Variants in DTNB observed in about 807,000 individuals in gnomAD.
The protein encoded by DTNB is dystrobrevin beta, also known as DTN-B.
DTNB carries 63 observed loss-of-function variants against 90.7 expected under a neutral mutation model. The observed-to-expected ratio is 0.69, with a 90% CI of 0.57 to 0.86. DTNB has a LOEUF of 0.86. Among genes scored for constraint, DTNB ranks in the 40% least tolerant of loss-of-function variants. The pLI is 0.00. For synonymous variants in DTNB, 277 were observed against 286.7 expected (o/e 0.97, Z 0.34); for missense variants, 744 against 807.1 (o/e 0.92, Z 0.95).
chr2:25,641,946 G>A lies in DTNB; in HGVS notation c.68-2852C>T, dbSNP rs143135843. ...CGCCATTCTCCTGCCTCAGCCTCCC[G>A]AGTAGCTGGGACAACAGGCACCCAC... is the stretch of plus-strand genomic sequence containing the variant. On this transcript the variant is annotated intron_variant, in intron 2 of 20. Coordinates refer to ENST00000406818, the MANE Select transcript of DTNB (RefSeq NM_021907.5). Among the ~76,000 whole-genome samples the A allele has an allele frequency of 8.4e-3, 1,283 of 152,088 alleles. 14 individuals carry two copies. Among genetic ancestry groups the A allele is most frequent in the African/African-American group, 0.024 (1,010 of 41,478 alleles).
intron 5 of DTNB, among the ~76,000 whole-genome samples, chr2:25,602,234 C>T (rs17803553): frequency 0.27 from 40,372 of 152,102 alleles, 6,211 homozygotes; most frequent in Non-Finnish European, 0.36. Context: ...GGTGTTGACT[C>T]AGCCAGGAAC....
intron 8 of DTNB, among the ~76,000 whole-genome samples, chr2:25,554,120 C>G (rs2151132597): frequency 6.6e-6 from 1 of 152,216 alleles, no homozygotes; most frequent in East Asian, 1.9e-4. Flanking sequence ...ACTTTTAAAA[C>G]TGAAAAAGCT....
intron 19 of DTNB, among the ~76,000 whole-genome samples, chr2:25,380,125 A>G (rs1046711093): frequency 1.2e-4 from 18 of 152,190 alleles, no homozygotes; most frequent in African/African-American, 4.1e-4. Context: ...AGATTCTTCA[A>G]AAGTTCCATT....
At chr2:25,410,004 G>C (rs1312184872) in intron 16 of DTNB, among the ~76,000 whole-genome samples, 1 of 152,142 alleles carries the variant, frequency 6.6e-6, no homozygotes, top group African/African-American at 2.4e-5. Flanking sequence ...ATTTTCACTT[G>C]TTCAGTAAAT....
intron 16 of DTNB, among the ~76,000 whole-genome samples, chr2:25,411,048 A>T (rs2046463529): frequency 6.6e-6 from 1 of 151,544 alleles, no homozygotes; most frequent in Non-Finnish European, 1.5e-5. Flanking sequence ...GCTCAAATAG[A>T]CTTATACTTA....
chr2:25,561,050 G>C (rs943343415), intron 8 of DTNB, among the ~76,000 whole-genome samples: 5 of 152,096 alleles, frequency 3.3e-5, no homozygotes, highest in Non-Finnish European at 5.9e-5. Flanking sequence ...TCAGTTTCAA[G>C]CACCTACTCT....
intron 15 of DTNB, among the ~76,000 whole-genome samples, chr2:25,420,161 A>ACTAGC (rs2049050147): frequency 6.6e-6 from 1 of 151,526 alleles, no homozygotes; most frequent in East Asian, 1.9e-4. Context: ...TCACTTCCCA[A>ACTAGC]CTAGCAATTC....
intron 6 of DTNB, among the ~76,000 whole-genome samples, chr2:25,587,362 G>A (rs932529827): frequency 2.0e-5 from 3 of 152,162 alleles, no homozygotes; most frequent in Non-Finnish European, 4.4e-5. Flanking sequence ...ATAAAGTGAC[G>A]AGAAGACCAG....
intron 8 of DTNB, among the ~76,000 whole-genome samples, chr2:25,555,067 T>C (rs976271991): frequency 2.8e-4 from 42 of 151,398 alleles, no homozygotes; most frequent in Admixed American, 2.8e-3. Context: ...GAGGCCGAGG[T>C]GGGCGGATCA....
At chr2:25,670,997 T>C (rs1176142538) in intron 1 of DTNB, among the ~76,000 whole-genome samples, 4 of 152,222 alleles carry the variant, frequency 2.6e-5, no homozygotes, top group Admixed American at 1.3e-4. Flanking sequence ...AATGATCAGA[T>C]TGACTGTCAT....
intron 19 of DTNB, 42 bp downstream of exon 19, chr2:25,383,794 G>A: frequency 6.2e-7 from 1 of 1,613,932 alleles, no homozygotes; most frequent in Non-Finnish European, 8.5e-7. Context: ...CATGAGCTCG[G>A]GCTCCCCATT....
chr2:25,476,098 C>T (rs957521687), intron 10 of DTNB, among the ~76,000 whole-genome samples: 9 of 146,122 alleles, frequency 6.2e-5, no homozygotes, highest in East Asian at 6.0e-4. Flanking sequence ...GAAGTAGTTT[C>T]GCTCTTGTCA....
chr2:25,416,659 C>CTA (rs963495395), intron 16 of DTNB, among the ~76,000 whole-genome samples: 1 of 152,054 alleles, frequency 6.6e-6, no homozygotes, highest in Non-Finnish European at 1.5e-5. Flanking sequence ...GAGCAAGACT[C>CTA]TGTCTCAGAA....
At chr2:25,584,573 T>C (rs1303497340) in intron 6 of DTNB, among the ~76,000 whole-genome samples, 7 of 152,146 alleles carry the variant, frequency 4.6e-5, no homozygotes, top group Admixed American at 6.5e-5. Flanking sequence ...TTTTTTTTTT[T>C]TGAGACAGAG....
At chr2:25,442,419 T>C (rs1002875590) in intron 12 of DTNB, among the ~76,000 whole-genome samples, 1 of 152,108 alleles carries the variant, frequency 6.6e-6, no homozygotes. Context: ...AGTGCTCAGG[T>C]TGTATCATCC....
chr2:25,405,725 A>G (rs573746380), intron 16 of DTNB, among the ~76,000 whole-genome samples: 6 of 152,112 alleles, frequency 3.9e-5, no homozygotes, highest in African/African-American at 1.4e-4. Flanking sequence ...AGCCTGAAAT[A>G]TTTACTGTCT....
rs113574241 is a variant in DTNB at position 25,572,902 on chromosome 2, C to T, written c.876+3936G>A. ...CACCTGGAGGCCATATGAACAAGGT[C>T]AGTTGCTTCTGGCTTTGGCTGTATG... On this transcript the variant is annotated intron_variant, in intron 8 of 20. Transcript: ENST00000406818. Among the ~76,000 whole-genome samples the T allele has an allele frequency of 3.3e-3, 506 of 152,204 alleles. 2 individuals carry two copies. Among genetic ancestry groups the T allele is most frequent in the African/African-American group, 0.011 (475 of 41,544 alleles).
intron 16 of DTNB, among the ~76,000 whole-genome samples, chr2:25,398,050 A>AG (rs1474361223): frequency 7.9e-5 from 12 of 152,224 alleles, no homozygotes; most frequent in African/African-American, 2.9e-4. Context: ...CATAGGACCC[A>AG]GGTGAACATC....
intron 16 of DTNB, among the ~76,000 whole-genome samples, chr2:25,398,829 G>A (rs907886481): frequency 2.0e-5 from 3 of 152,046 alleles, no homozygotes; most frequent in Admixed American, 2.0e-4. Context: ...ATACTCCCAC[G>A]GAATCTTGTG....
Sources: allele counts gnomAD v4.1 joint callset (sites outside exome capture counted in the v4.1 genomes callset), GRCh38; gene constraint gnomAD v4.1.1; transcripts MANE v1.5; gene names NCBI Gene and HGNC (gene_info 2026-07-23, HGNC 2026-07-21).